SLC39A11: variants seen among roughly 807,000 people sequenced by gnomAD.
The protein encoded by SLC39A11 is solute carrier family 39 member 11.
A neutral mutation model predicts 36.1 loss-of-function variants in SLC39A11; 33 were observed. The observed-to-expected ratio is 0.91, with a 90% CI of 0.69 to 1.22. SLC39A11 has a LOEUF of 1.22. SLC39A11 is among the 50% of genes most tolerant of loss of function. The pLI is 0.00. For synonymous variants in SLC39A11, 166 were observed against 170.3 expected (o/e 0.97, Z 0.20); for missense variants, 432 against 430.3 (o/e 1.00, Z -0.03).
intron 4 of SLC39A11, among the ~76,000 whole-genome samples, chr17:72,999,166 G>A (rs1014616461): frequency 5.3e-5 from 8 of 152,092 alleles, no homozygotes; most frequent in African/African-American, 7.2e-5. Flanking sequence ...AATACATCCC[G>A]TTAGAAAAAA....
chr17:73,044,008 AT>A (rs1469388945), intron 3 of SLC39A11, among the ~76,000 whole-genome samples: 1 of 152,192 alleles, frequency 6.6e-6, no homozygotes, highest in African/African-American at 2.4e-5. Flanking sequence ...AATCAATTAC[AT>A]TCAGCTTCAA....
chr17:72,822,922 T>A (rs1322386339), intron 6 of SLC39A11, among the ~76,000 whole-genome samples: 1 of 150,216 alleles, frequency 6.7e-6, no homozygotes, highest in Non-Finnish European at 1.5e-5. Flanking sequence ...GCCCTGTTTT[T>A]GTAGAGGTGA....
chr17:72,705,978 G>A (rs1425517623), intron 7 of SLC39A11, among the ~76,000 whole-genome samples: 5 of 152,156 alleles, frequency 3.3e-5, no homozygotes, highest in African/African-American at 4.8e-5. Flanking sequence ...AAGGCCCCCA[G>A]AAAACTTTCA....
At chr17:72,962,532 T>G (rs1023690434) in intron 4 of SLC39A11, among the ~76,000 whole-genome samples, 2 of 151,430 alleles carry the variant, frequency 1.3e-5, no homozygotes, top group African/African-American at 4.9e-5. Context: ...GTTTTGGGGG[T>G]TTTTTGCTAA....
chr17:72,868,926 T>C (rs186591113), intron 5 of SLC39A11, among the ~76,000 whole-genome samples: 159 of 152,332 alleles, frequency 1.0e-3, no homozygotes, highest in Admixed American at 3.1e-3. Flanking sequence ...TTTGCCTCTC[T>C]CCCTGCCTAG....
At chr17:72,803,452 G>GACCT (rs2077159703) in intron 6 of SLC39A11, among the ~76,000 whole-genome samples, 1 of 152,248 alleles carries the variant, frequency 6.6e-6, no homozygotes, top group East Asian at 1.9e-4. Flanking sequence ...AGGTACAAAG[G>GACCT]ACCTGCCTGA....
chr17:72,647,287 T>C lies in SLC39A11; in HGVS notation c.*297A>G. 4.2e-6 allele frequency: 1 copy of C among 237,458 alleles called. No individual in the cohort carries two copies. Among genetic ancestry groups the C allele is most frequent in the Non-Finnish European group, 8.2e-6 (1 of 121,814 alleles). 14.7% of individuals were successfully genotyped at this position (237,458 alleles called of 1,614,324 possible). The stretch of plus-strand genomic sequence containing the variant: ...GGGAGGCAGATAGAAGGTCCCGAAG[T>C]GGAGATTTCCCTGATCTGAAGTTCC... On this transcript the variant is annotated 3_prime_UTR_variant, in exon 10 of 10. Transcript: ENST00000255559.
chr17:72,736,538 T>C, intron 7 of SLC39A11, 112 bp downstream of exon 7: 1 of 892,986 alleles, frequency 1.1e-6, no homozygotes, highest in Non-Finnish European at 1.9e-6. Context: ...CTTGGTCCTG[T>C]GGGGCTGGGG....
At chr17:72,769,632 C>G (rs981502639) in intron 6 of SLC39A11, among the ~76,000 whole-genome samples, 2 of 152,012 alleles carry the variant, frequency 1.3e-5, no homozygotes, top group South Asian at 2.1e-4. Flanking sequence ...GCAACCTCCC[C>G]CTCCTGGGTT....
chr17:72,910,219 G>GGGT (rs1403666548), intron 5 of SLC39A11, among the ~76,000 whole-genome samples: 1 of 152,122 alleles, frequency 6.6e-6, no homozygotes, highest in East Asian at 1.9e-4. Context: ...CTCCCTATCT[G>GGGT]GGTGGTGGGG....
intron 7 of SLC39A11, among the ~76,000 whole-genome samples, chr17:72,728,041 G>A (rs543943274): frequency 6.6e-6 from 1 of 152,254 alleles, no homozygotes; most frequent in South Asian, 2.1e-4. Flanking sequence ...TCAACAGACA[G>A]GGCACAAGCA....
intron 4 of SLC39A11, among the ~76,000 whole-genome samples, chr17:72,986,052 G>A (rs980420250): frequency 9.2e-5 from 14 of 152,312 alleles, no homozygotes; most frequent in African/African-American, 3.4e-4. Flanking sequence ...GGAGCCTTGA[G>A]GAGGCACATG....
At chr17:72,771,323 C>A in intron 6 of SLC39A11, among the ~76,000 whole-genome samples, 1 of 149,376 alleles carries the variant, frequency 6.7e-6, no homozygotes, top group Middle Eastern at 3.4e-3. Flanking sequence ...TGCACTCCAG[C>A]CTGAGCTGGG....
At chr17:72,843,791 A>G (rs575005389) in intron 6 of SLC39A11, among the ~76,000 whole-genome samples, 11 of 152,302 alleles carry the variant, frequency 7.2e-5, no homozygotes, top group Admixed American at 2.6e-4. Flanking sequence ...TCACAGGACA[A>G]CTGTGAACCA....
intron 7 of SLC39A11, among the ~76,000 whole-genome samples, chr17:72,735,624 C>T (rs544131924): frequency 5.9e-5 from 9 of 152,288 alleles, no homozygotes; most frequent in African/African-American, 1.7e-4. Context: ...GTTTAAAGTT[C>T]GCCTTATTCC....
rs192688802 is a variant in SLC39A11 at position 72,768,675 on chromosome 17, T to C, written c.602-31956A>G. Among the ~76,000 whole-genome samples the C allele has an allele frequency of 1.3e-3, 204 of 152,294 alleles. 2 individuals are homozygous for C. The highest frequency in any genetic ancestry group is 6.8e-3 in the Middle Eastern group (2 of 294). ...GCATATGGCACAGTCCTTGCTGTGGTCGAATCTAGCCAAGTCTCCAAGAGA... is the reference window on the plus strand; with the variant it reads ...GCATATGGCACAGTCCTTGCTGTGGCCGAATCTAGCCAAGTCTCCAAGAGA... On this transcript the variant is annotated intron_variant, in intron 6 of 9. Transcript: ENST00000255559.
chr17:72,786,364 TAC>T (rs1042049722), intron 6 of SLC39A11, among the ~76,000 whole-genome samples: 25 of 152,364 alleles, frequency 1.6e-4, no homozygotes, highest in Non-Finnish European at 3.5e-4. Flanking sequence ...AACAAAATTT[TAC>T]ACTTATCTTC....
intron 4 of SLC39A11, among the ~76,000 whole-genome samples, chr17:73,003,577 G>C (rs2089953997): frequency 6.6e-6 from 1 of 152,116 alleles, no homozygotes; most frequent in African/African-American, 2.4e-5. Flanking sequence ...ACACGGAGAG[G>C]GCAGAGAAAG....
At chr17:72,922,995 C>G (rs1297357601) in intron 5 of SLC39A11, among the ~76,000 whole-genome samples, 1 of 95,000 alleles carries the variant, frequency 1.1e-5, no homozygotes, top group Non-Finnish European at 2.3e-5. Context: ...AAAAAACACA[C>G]AGAAAATACG....
Sources: allele counts gnomAD v4.1 joint callset (sites outside exome capture counted in the v4.1 genomes callset), GRCh38; gene constraint gnomAD v4.1.1; transcripts MANE v1.5; gene names NCBI Gene and HGNC (gene_info 2026-07-23, HGNC 2026-07-21).